Variants in PPM1E observed in about 807,000 individuals in gnomAD.
PPM1E encodes protein phosphatase, Mg2+/Mn2+ dependent 1E.
A neutral mutation model predicts 65.9 loss-of-function variants in PPM1E; 20 were observed. The observed-to-expected ratio is 0.30, with a 90% CI of 0.21 to 0.44. PPM1E has a LOEUF of 0.44. Among genes scored for constraint, PPM1E ranks in the 20% least tolerant of loss-of-function variants. The probability of loss-of-function intolerance (pLI) is 1.00; values close to 1 mark genes in which losing one functional copy is unlikely to be tolerated. For synonymous variants in PPM1E, 352 were observed against 374.9 expected (o/e 0.94, Z 0.70); for missense variants, 713 against 953.1 (o/e 0.75, Z 3.32).
intron 1 of PPM1E, among the ~76,000 whole-genome samples, chr17:58,922,799 C>G (rs1274473444): frequency 6.6e-6 from 1 of 151,492 alleles, no homozygotes; most frequent in Non-Finnish European, 1.5e-5. Flanking sequence ...ATTATCCTGC[C>G]TCAGCCTCCT....
At chr17:58,773,800 C>T (rs1211451013) in intron 1 of PPM1E, among the ~76,000 whole-genome samples, 2 of 152,196 alleles carry the variant, frequency 1.3e-5, no homozygotes, top group Admixed American at 6.6e-5. Flanking sequence ...ATGCAAATTC[C>T]TGTGCTCCTG....
chr17:58,912,402 C>T (rs931780494), intron 1 of PPM1E, among the ~76,000 whole-genome samples: 6 of 152,146 alleles, frequency 3.9e-5, no homozygotes, highest in East Asian at 3.8e-4. Context: ...ATGAACCATA[C>T]GACTGTCTGA....
chr17:58,842,540 C>T (rs1437631383), intron 1 of PPM1E, among the ~76,000 whole-genome samples: 1 of 152,260 alleles, frequency 6.6e-6, no homozygotes, highest in Non-Finnish European at 1.5e-5. Flanking sequence ...CGCAGTGGCT[C>T]ATGCCTGTAA....
At chr17:58,910,190 T>A (rs1172126751) in intron 1 of PPM1E, among the ~76,000 whole-genome samples, 1 of 152,134 alleles carries the variant, frequency 6.6e-6, no homozygotes. Flanking sequence ...TGTTCTGTTT[T>A]TTTCAGTCCT....
chr17:58,960,589 A>G (rs1311075333), intron 2 of PPM1E, among the ~76,000 whole-genome samples: 1 of 152,068 alleles, frequency 6.6e-6, no homozygotes, highest in Admixed American at 6.6e-5. Context: ...AGTCTGGCCA[A>G]CATGGTGAAA....
chr17:58,906,671 T>C (rs376773091), intron 1 of PPM1E, among the ~76,000 whole-genome samples: 2 of 152,100 alleles, frequency 1.3e-5, no homozygotes, highest in East Asian at 3.8e-4. Context: ...TTTTTATGGG[T>C]ACATAGTAGG....
At chr17:58,768,563 A>G (rs950117977) in intron 1 of PPM1E, among the ~76,000 whole-genome samples, 2 of 152,224 alleles carry the variant, frequency 1.3e-5, no homozygotes, top group African/African-American at 4.8e-5. Flanking sequence ...GGCATTACCT[A>G]TAGATAAGAG....
chr17:58,846,673 A>T lies in PPM1E; in HGVS notation c.464+90212A>T, dbSNP rs534450049. On this transcript the variant is annotated intron_variant, in intron 1 of 6. Coordinates refer to ENST00000308249, the MANE Select transcript of PPM1E (RefSeq NM_014906.5). ...GTTTTCTTAATCCAGTCTACCATTG[A>T]TGGGCATTTGGGTTGGTTCCAAGTC... is the stretch of plus-strand genomic sequence containing the variant. Among the ~76,000 whole-genome samples, 487 of 152,250 alleles carry T rather than the reference A, an allele frequency of 3.2e-3. 5 individuals are homozygous for T. The highest frequency in any genetic ancestry group is 0.011 in the African/African-American group (466 of 41,538).
chr17:58,781,914 A>G (rs2050054369), intron 1 of PPM1E, among the ~76,000 whole-genome samples: 1 of 152,116 alleles, frequency 6.6e-6, no homozygotes, highest in South Asian at 2.1e-4. Flanking sequence ...AATAAAATGC[A>G]GTGATTTTTT....
At chr17:58,872,835 CATATGTT>C (rs2051086217) in intron 1 of PPM1E, among the ~76,000 whole-genome samples, 1 of 152,048 alleles carries the variant, frequency 6.6e-6, no homozygotes, top group African/African-American at 2.4e-5. Flanking sequence ...AAGGTCAGTC[CATATGTT>C]ATATGTTATA....
In PPM1E at chr17:58,755,956, C is replaced by T; in HGVS notation, c.-42C>T. 6.2e-7 allele frequency: 1 copy of T among 1,612,664 alleles called. No homozygotes were observed. Among genetic ancestry groups the T allele is most frequent in the Non-Finnish European group, 8.5e-7 (1 of 1,179,258 alleles). ...GCAGCCCCTTACCCTTCCTGGGCTT[C>T]CCCCAACCCCTTTCCCGGTCTGCCC... is the stretch of plus-strand genomic sequence containing the variant. On this transcript the variant is annotated 5_prime_UTR_variant, in exon 1 of 7. Transcript: ENST00000308249.
chr17:58,944,261 A>C (rs566229392), intron 1 of PPM1E, among the ~76,000 whole-genome samples: 1 of 152,312 alleles, frequency 6.6e-6, no homozygotes, highest in African/African-American at 2.4e-5. Flanking sequence ...TATAATTCGC[A>C]TAATATAAAA....
intron 1 of PPM1E, among the ~76,000 whole-genome samples, chr17:58,910,957 A>G (rs1258204479): frequency 6.6e-6 from 1 of 151,986 alleles, no homozygotes; most frequent in Non-Finnish European, 1.5e-5. Flanking sequence ...TTTTTTTCTG[A>G]TACTCACTGT....
intron 1 of PPM1E, among the ~76,000 whole-genome samples, chr17:58,886,931 T>A (rs748604023): frequency 3.3e-5 from 5 of 152,122 alleles, no homozygotes; most frequent in South Asian, 2.1e-4. Context: ...TCTCTGTACT[T>A]CTTCAGTTTT....
At chr17:58,791,704 T>A (rs953861620) in intron 1 of PPM1E, among the ~76,000 whole-genome samples, 1 of 152,168 alleles carries the variant, frequency 6.6e-6, no homozygotes, top group African/African-American at 2.4e-5. Context: ...TTATAGGTGA[T>A]GCCTTTGAGT....
At chr17:58,911,199 A>G (rs995112220) in intron 1 of PPM1E, among the ~76,000 whole-genome samples, 2 of 152,114 alleles carry the variant, frequency 1.3e-5, no homozygotes, top group Non-Finnish European at 2.9e-5. Context: ...CTGTGACCTC[A>G]CTTCTCTTAA....
At chr17:58,862,476 A>T (rs1170788843) in intron 1 of PPM1E, among the ~76,000 whole-genome samples, 2 of 152,196 alleles carry the variant, frequency 1.3e-5, no homozygotes, top group Non-Finnish European at 2.9e-5. Flanking sequence ...ACTTACTGCT[A>T]ATGCTGTTGC....
At chr17:58,957,341 C>A (rs562842261) in intron 2 of PPM1E, among the ~76,000 whole-genome samples, 12 of 152,158 alleles carry the variant, frequency 7.9e-5, no homozygotes, top group Non-Finnish European at 1.6e-4. Context: ...TGCAGTGTTG[C>A]CCTACATGCC....
At chr17:58,874,822 A>G (rs1315839421) in intron 1 of PPM1E, among the ~76,000 whole-genome samples, 1 of 152,214 alleles carries the variant, frequency 6.6e-6, no homozygotes, top group Non-Finnish European at 1.5e-5. Flanking sequence ...GGCTGTGATG[A>G]ATATTATATT....
Sources: allele counts gnomAD v4.1 joint callset (sites outside exome capture counted in the v4.1 genomes callset), GRCh38; gene constraint gnomAD v4.1.1; transcripts MANE v1.5; gene names NCBI Gene and HGNC (gene_info 2026-07-23, HGNC 2026-07-21).